The following ZFPM2 variants were observed in gnomAD, a reference collection of about 807,000 sequenced individuals.
The protein encoded by ZFPM2 is zinc finger protein, FOG family member 2.
A neutral mutation model predicts 98.6 loss-of-function variants in ZFPM2; 20 were observed. The observed-to-expected ratio is 0.20, with a 90% CI of 0.14 to 0.29. ZFPM2 has a LOEUF of 0.29. Ranked by LOEUF, ZFPM2 falls within the 10% of genes least tolerant of loss-of-function variation. The probability of loss-of-function intolerance (pLI) is 1.00; values close to 1 mark genes in which losing one functional copy is unlikely to be tolerated. For missense variants in ZFPM2, 1,310 were observed against 1,388.6 expected (o/e 0.94, Z 0.90); for synonymous variants, 518 against 502.7 (o/e 1.03, Z -0.41).
intron 5 of ZFPM2, among the ~76,000 whole-genome samples, chr8:105,641,925 T>TTAACG (rs1816955871): frequency 1.3e-5 from 2 of 152,064 alleles, no homozygotes; most frequent in Admixed American, 1.3e-4. Context: ...ATGAAGCTTC[T>TTAACG]GTCTCTTAAC....
rs114737131 is a variant in ZFPM2, at chr8:105,538,355, G to A, written c.302-23008G>A. Among the ~76,000 whole-genome samples, 346 of 152,150 alleles carry A rather than the reference G, an allele frequency of 2.3e-3. 3 individuals carry two copies. The highest frequency in any genetic ancestry group is 8.1e-3 in the African/African-American group (336 of 41,516). ...TACCCAGGCTTTACTTCTTCTTGAC[G>A]TCTTCAATTCAATGGAAGGAGAAAT... On this transcript the variant is annotated intron_variant, in intron 3 of 7. Transcript: ENST00000407775.
At chr8:105,680,091 A>G (rs751877456) in intron 5 of ZFPM2, among the ~76,000 whole-genome samples, 1 of 152,178 alleles carries the variant, frequency 6.6e-6, no homozygotes, top group Non-Finnish European at 1.5e-5. Flanking sequence ...AATAGAGATG[A>G]TGAAAATATT....
At chr8:105,486,619 C>A (rs1813235218) in intron 3 of ZFPM2, among the ~76,000 whole-genome samples, 2 of 152,276 alleles carry the variant, frequency 1.3e-5, no homozygotes, top group East Asian at 1.9e-4. Flanking sequence ...GGGAAAAGAA[C>A]ATCACTGAAA....
At chr8:105,687,776 T>A (rs1435099248) in intron 5 of ZFPM2, among the ~76,000 whole-genome samples, 1 of 152,138 alleles carries the variant, frequency 6.6e-6, no homozygotes, top group East Asian at 1.9e-4. Context: ...GTAAGCATCA[T>A]GTTCAATTAG....
At chr8:105,378,952 A>C (rs1270381802) in intron 1 of ZFPM2, among the ~76,000 whole-genome samples, 1 of 152,140 alleles carries the variant, frequency 6.6e-6, no homozygotes, top group Non-Finnish European at 1.5e-5. Context: ...TTAGGACCTA[A>C]AATTGACATA....
At chr8:105,419,427 T>C in intron 2 of ZFPM2, 125 bp downstream of exon 2, 1 of 1,188,344 alleles carries the variant, frequency 8.4e-7, no homozygotes, top group Non-Finnish European at 1.2e-6. Flanking sequence ...TAAGTGCAGA[T>C]TTTTTTAAAC....
intron 1 of ZFPM2, among the ~76,000 whole-genome samples, chr8:105,331,794 A>G (rs1330392343): frequency 2.6e-5 from 4 of 151,846 alleles, no homozygotes; most frequent in Non-Finnish European, 2.9e-5. Context: ...ATAGACATCT[A>G]TATGATCACT....
chr8:105,537,578 G>A (rs1295545199), intron 3 of ZFPM2, among the ~76,000 whole-genome samples: 2 of 152,082 alleles, frequency 1.3e-5, no homozygotes. Context: ...AGCTTCTCAG[G>A]TGGCTGAGGC....
At chr8:105,378,408 A>G (rs1464503425) in intron 1 of ZFPM2, among the ~76,000 whole-genome samples, 1 of 152,182 alleles carries the variant, frequency 6.6e-6, no homozygotes, top group Non-Finnish European at 1.5e-5. Context: ...AACTCTCAGA[A>G]GGTTTTGCCC....
In ZFPM2 at chr8:105,398,031, C is replaced by T. The variant is rs1343626402; in HGVS notation, c.41-21113C>T. On this transcript the variant is annotated intron_variant, in intron 1 of 7. Coordinates refer to ENST00000407775, the MANE Select transcript of ZFPM2 (RefSeq NM_012082.4). ...TAAGAGATGATAACCAAAAAGTATC[C>T]GCAGGTCAATTCATGTATTTTTTAA... is the stretch of plus-strand genomic sequence containing the variant. Among the ~76,000 whole-genome samples, 11 of 151,882 alleles carry T rather than the reference C, an allele frequency of 7.2e-5. No homozygotes were observed. The East Asian group carries it at 1.6e-3, about 21-fold the overall frequency.
At chr8:105,491,101 C>G (rs1242065831) in intron 3 of ZFPM2, among the ~76,000 whole-genome samples, 1 of 152,008 alleles carries the variant, frequency 6.6e-6, no homozygotes, top group Non-Finnish European at 1.5e-5. Flanking sequence ...ATTTGGATGG[C>G]ATGTATATTT....
intron 5 of ZFPM2, among the ~76,000 whole-genome samples, chr8:105,744,512 A>G (rs1004418656): frequency 1.3e-5 from 2 of 152,156 alleles, no homozygotes; most frequent in African/African-American, 2.4e-5. Context: ...AGAAAGGCAG[A>G]TACTAATGAC....
At chr8:105,340,405 G>T (rs1812405572) in intron 1 of ZFPM2, among the ~76,000 whole-genome samples, 1 of 151,870 alleles carries the variant, frequency 6.6e-6, no homozygotes, top group African/African-American at 2.4e-5. Flanking sequence ...CACACAATCA[G>T]ATTACATTTG....
At chr8:105,796,629 C>G (rs1206498515) in intron 6 of ZFPM2, 1 of 152,144 alleles carries the variant, frequency 6.6e-6, no homozygotes, top group Non-Finnish European at 1.5e-5. Context: ...TTAATGTTGT[C>G]TCCCTGAGCC....
intron 1 of ZFPM2, among the ~76,000 whole-genome samples, chr8:105,350,613 C>A (rs1481786954): frequency 6.6e-6 from 1 of 152,028 alleles, no homozygotes; most frequent in African/African-American, 2.4e-5. Context: ...AAGCAGAAAA[C>A]TTGGTAGGCA....
At chr8:105,703,504 G>A (rs1811186967) in intron 5 of ZFPM2, among the ~76,000 whole-genome samples, 1 of 152,110 alleles carries the variant, frequency 6.6e-6, no homozygotes, top group Non-Finnish European at 1.5e-5. Flanking sequence ...AAAGTTTTTT[G>A]TTGTTGTTTT....
intron 3 of ZFPM2, among the ~76,000 whole-genome samples, chr8:105,471,269 A>G (rs1812898272): frequency 6.6e-6 from 1 of 152,104 alleles, no homozygotes; most frequent in Admixed American, 6.6e-5. Context: ...ACATTTATTG[A>G]GTGCTTACTA....
intron 5 of ZFPM2, among the ~76,000 whole-genome samples, chr8:105,679,968 T>C (rs1171544511): frequency 1.3e-5 from 2 of 152,146 alleles, no homozygotes; most frequent in African/African-American, 4.8e-5. Context: ...ATTTCAAAAC[T>C]TGATGCTGCA....
chr8:105,329,867 G>C (rs532859470), intron 1 of ZFPM2, among the ~76,000 whole-genome samples: 20 of 151,748 alleles, frequency 1.3e-4, no homozygotes, highest in Admixed American at 1.2e-3. Context: ...TTGTTGGTTG[G>C]TGATGAGATT....
Sources: gnomAD v4.1 joint callset for allele counts (sites outside exome capture counted in the v4.1 genomes callset) on GRCh38, gnomAD v4.1.1 for gene constraint, MANE v1.5 for transcripts, NCBI Gene and HGNC (gene_info 2026-07-23, HGNC 2026-07-21) for gene names.